Variants in ANKRD12 observed in about 807,000 individuals in gnomAD.
The protein encoded by ANKRD12 is ankyrin repeat domain 12, also known as ankyrin repeat domain-containing protein 12.
ANKRD12 carries 85 observed loss-of-function variants against 183.4 expected under a neutral mutation model. The observed-to-expected ratio is 0.46, with a 90% CI of 0.39 to 0.56. The LOEUF is 0.56. Ranked by LOEUF, ANKRD12 falls within the 20% of genes least tolerant of loss-of-function variation. The probability of loss-of-function intolerance (pLI) is 0.00; values close to 1 mark genes in which losing one functional copy is unlikely to be tolerated. For synonymous variants in ANKRD12, 914 were observed against 800.2 expected, an observed-to-expected ratio of 1.14 and a Z score of -2.40; for missense variants, 2,405 against 2,357.1, an observed-to-expected ratio of 1.02 and a Z score of -0.42.
At position 9,281,132 on chromosome 18, in the gene ANKRD12, A is replaced by G; in HGVS notation, c.*6A>G. 2 of 1,609,918 alleles carry G rather than the reference A, an allele frequency of 1.2e-6. No homozygotes were observed. The highest frequency in any genetic ancestry group is 1.7e-6 in the Non-Finnish European group (2 of 1,177,630). ...TTGAATTGACTCCTATATAGCAGTC[A>G]GTACTTCCTGATGGTATTGTCCTAA... On this transcript the variant is annotated 3_prime_UTR_variant, in exon 13 of 13. Transcript: ENST00000262126.
In ANKRD12 at chr18:9,257,993, T is replaced by A. The variant is rs745310474; in HGVS notation, c.4726T>A (p.Phe1576Ile). The A allele has an allele frequency of 1.2e-6, 2 of 1,613,712 alleles. No individual in the cohort carries two copies. Among genetic ancestry groups the A allele is most frequent in the Non-Finnish European group, 1.7e-6 (2 of 1,179,908 alleles). The change falls in exon 9 of 13, where the codon TTT (phenylalanine) becomes ATT (isoleucine). Residue 1576 changes from phenylalanine (F) to isoleucine (I), a missense_variant. Physicochemically the swap from Phe to Ile is conservative, Grantham distance 21 (BLOSUM62 0). This residue lies in a region of ANKRD12 where 1,983 missense variants were observed against 1,725.9 expected (regional missense o/e 1.15). Coordinates refer to ENST00000262126, the MANE Select transcript of ANKRD12 (RefSeq NM_015208.5). ...CACTATTCAAGAAGCATCACCAAACTTTGAGAAAGCTTATACTTTACCTGT... is the reference window on the plus strand; with the variant it reads ...CACTATTCAAGAAGCATCACCAAACATTGAGAAAGCTTATACTTTACCTGT... ...DSTIQEASPN[F>I]EKAYTLPVLP...
intron 6 of ANKRD12, among the ~76,000 whole-genome samples, chr18:9,215,614 G>T (rs1452872899): frequency 1.3e-5 from 2 of 152,096 alleles, no homozygotes; most frequent in African/African-American, 4.8e-5. Flanking sequence ...GATTGTCAAC[G>T]CTGTAGAAGA....
chr18:9,257,180 A>G lies in ANKRD12; in HGVS notation c.3913A>G (p.Ile1305Val), dbSNP rs1337238177. Reference protein sequence around the residue: ...KLIISEGRPTIEVRRCSMPSV... With the variant: ...KLIISEGRPTVEVRRCSMPSV... ...AATTATAAGCGAGGGGAGACCTACC[A>G]TAGAAGTTCGAAGATGTAGCATGCC... The change falls in exon 9 of 13, where the codon ATA becomes GTA. Residue 1305 changes from isoleucine (I) to valine (V), a missense_variant. By Grantham distance (29) the Ile-to-Val change is conservative (BLOSUM62 3). Transcript: ENST00000262126. 1.9e-6 allele frequency: 3 copies of G among 1,614,158 alleles called. No homozygotes were observed. Among genetic ancestry groups the G allele is most frequent in the South Asian group, 2.2e-5 (2 of 91,082 alleles).
Position 9,216,899 on chromosome 18 carries a change from A to T in ANKRD12, c.794A>T (p.Asp265Val). ...GATTCTGCTAGTAGTGGGCACAGAG[A>T]TGTAAGTATGATAGAAAAAAATCAA... ...LHDSASSGHR[D>V]IVKLLLRHGG... Residue 265 changes from aspartate (D) to valine (V), a missense_variant and splice_region_variant, in exon 7 of 13, where the codon GAT (aspartate) becomes GTT (valine). Physicochemically the swap from Asp to Val is radical, Grantham distance 152. Transcript: ENST00000262126. The T allele has an allele frequency of 6.2e-7, 1 of 1,609,590 alleles. No individual in the cohort carries two copies. The highest frequency in any genetic ancestry group is 8.5e-7 in the Non-Finnish European group (1 of 1,178,686).
At chr18:9,231,758 G>A (rs990410780) in intron 8 of ANKRD12, among the ~76,000 whole-genome samples, 11 of 148,586 alleles carry the variant, frequency 7.4e-5, no homozygotes, top group Middle Eastern at 3.4e-3. Flanking sequence ...CTGGGAGGCG[G>A]AGGTTGCAGG....
rs547024454 is a variant in ANKRD12, at chr18:9,254,671, G to A, written c.1404G>A (p.Gln468=). The part of the protein sequence containing the change: ...KEYVVSGEHK[Q]KGKVKRKLKN... The stretch of plus-strand genomic sequence containing the variant: ...ATGTAGTTTCAGGTGAACACAAACA[G>A]AAAGGCAAAGTTAAAAGAAAATTGA... The change falls in exon 9 of 13, where the codon CAG becomes CAA. Residue 468 remains glutamine (Q), a synonymous_variant. Transcript: ENST00000262126. The A allele has an allele frequency of 6.5e-7, 1 of 1,532,306 alleles. No homozygotes were observed. The highest frequency in any genetic ancestry group is 2.3e-5 in the East Asian group (1 of 42,980). The allele number at this position is 1,532,306 out of a possible 1,614,324, so 94.9% of individuals were successfully genotyped here.
chr18:9,191,260 G>T (rs1184701943), intron 2 of ANKRD12, among the ~76,000 whole-genome samples: 5 of 152,174 alleles, frequency 3.3e-5, no homozygotes, highest in African/African-American at 1.2e-4. Flanking sequence ...GAATTTGATA[G>T]AGTATTTCTA....
intron 1 of ANKRD12, among the ~76,000 whole-genome samples, chr18:9,142,726 T>C (rs1297249875): frequency 6.6e-6 from 1 of 151,972 alleles, no homozygotes; most frequent in Non-Finnish European, 1.5e-5. Flanking sequence ...TACTAAAGAA[T>C]ACAAAAAATT....
chr18:9,187,313 G>A (rs1187108575), intron 2 of ANKRD12, among the ~76,000 whole-genome samples: 1 of 152,152 alleles, frequency 6.6e-6, no homozygotes, highest in Non-Finnish European at 1.5e-5. Flanking sequence ...AGCTACTGGG[G>A]AGGCTGAAGT....
intron 1 of ANKRD12, among the ~76,000 whole-genome samples, chr18:9,173,710 A>G (rs957317108): frequency 2.6e-5 from 4 of 152,142 alleles, no homozygotes; most frequent in East Asian, 1.9e-4. Flanking sequence ...GTCTCACCCA[A>G]TCAGGAGGGA....
chr18:9,154,564 C>A (rs2030104642), intron 1 of ANKRD12, among the ~76,000 whole-genome samples: 1 of 152,082 alleles, frequency 6.6e-6, no homozygotes, highest in South Asian at 2.1e-4. Flanking sequence ...TCTTAAAAAA[C>A]AACAACAACA....
chr18:9,188,756 A>G (rs920134985), intron 2 of ANKRD12, among the ~76,000 whole-genome samples: 1 of 152,134 alleles, frequency 6.6e-6, no homozygotes, highest in African/African-American at 2.4e-5. Context: ...ATGATTAGTG[A>G]TCTTTGTTAC....
chr18:9,159,931 A>G (rs2031169422), intron 1 of ANKRD12, among the ~76,000 whole-genome samples: 1 of 151,814 alleles, frequency 6.6e-6, no homozygotes, highest in Non-Finnish European at 1.5e-5. Context: ...CAGCCTCCCA[A>G]GTAGCTGGGA....
intron 1 of ANKRD12, among the ~76,000 whole-genome samples, chr18:9,162,021 C>T (rs910192698): frequency 1.3e-5 from 2 of 151,976 alleles, no homozygotes; most frequent in Admixed American, 6.6e-5. Context: ...TGCCACCACA[C>T]CCAGCCAATT....
At chr18:9,233,837 C>G (rs1410030075) in intron 8 of ANKRD12, among the ~76,000 whole-genome samples, 1 of 152,110 alleles carries the variant, frequency 6.6e-6, no homozygotes, top group African/African-American at 2.4e-5. Flanking sequence ...ATTCTGAGCC[C>G]CAGCCCATCA....
intron 8 of ANKRD12, among the ~76,000 whole-genome samples, chr18:9,246,454 C>T (rs2037967597): frequency 1.3e-5 from 2 of 152,266 alleles, no homozygotes; most frequent in South Asian, 4.2e-4. Flanking sequence ...CTTCCCTGCC[C>T]ATGAAAAGTT....
In ANKRD12 at chr18:9,258,757, A is replaced by G. The variant is rs2038791669; in HGVS notation, c.5490A>G (p.Ser1830=). ...TAGATGAGATTCAGCCATACAGTTC[A>G]GAGAGAGCAAATCCATATTTTGAAT... ...LKLDEIQPYS[S]ERANPYFEYL... The change falls in exon 9 of 13, where the codon TCA becomes TCG. Residue 1830 remains serine (S), a synonymous_variant. Transcript: ENST00000262126. The G allele has an allele frequency of 6.2e-7, 1 of 1,613,904 alleles. No homozygotes were observed. Among genetic ancestry groups the G allele is most frequent in the South Asian group, 1.1e-5 (1 of 91,080 alleles).
At chr18:9,163,963 G>A (rs2031749328) in intron 1 of ANKRD12, among the ~76,000 whole-genome samples, 1 of 152,134 alleles carries the variant, frequency 6.6e-6, no homozygotes, top group African/African-American at 2.4e-5. Flanking sequence ...ATAGGATCAT[G>A]TCTTCTGCAA....
intron 1 of ANKRD12, among the ~76,000 whole-genome samples, chr18:9,167,643 C>T (rs1339030481): frequency 1.2e-4 from 18 of 152,104 alleles, no homozygotes; most frequent in African/African-American, 3.6e-4. Flanking sequence ...TTTCTAGATA[C>T]ACAATCATGT....
Sources: gnomAD v4.1 joint callset for allele counts (sites outside exome capture counted in the v4.1 genomes callset) on GRCh38, gnomAD v4.1.1 for gene constraint, gnomAD v4.1.1 regional missense constraint, MANE v1.5 for transcripts, NCBI Gene and HGNC (gene_info 2026-07-23, HGNC 2026-07-21) for gene names.